The following ITPR2 variants were observed in gnomAD, a reference collection of about 807,000 sequenced individuals.
The protein encoded by ITPR2 is inositol 1,4,5-trisphosphate-gated calcium channel ITPR2.
In ITPR2, 207 loss-of-function variants were observed where a neutral mutation model predicts 317.1. The ratio of observed to expected loss-of-function variants is 0.65; its 90% CI spans 0.58 to 0.73. The LOEUF (loss-of-function observed/expected upper bound fraction) is 0.73, where lower values mean the gene tolerates loss of function less well. ITPR2 is among the 30% of genes least tolerant of loss of function. ITPR2 has a pLI of 0.00. For synonymous variants in ITPR2, 1,156 were observed against 1,149.1 expected, an observed-to-expected ratio of 1.01 and a Z score of -0.12; for missense variants, 2,613 against 3,284.0, an observed-to-expected ratio of 0.80 and a Z score of 4.99.
chr12:26,687,321 C>A (rs1948146282), intron 10 of ITPR2, among the ~76,000 whole-genome samples: 1 of 152,042 alleles, frequency 6.6e-6, no homozygotes. Context: ...GAACTGGTTG[C>A]ACGAGAAACC....
At chr12:26,611,179 C>T (rs945896818) in intron 26 of ITPR2, among the ~76,000 whole-genome samples, 1 of 152,156 alleles carries the variant, frequency 6.6e-6, no homozygotes, top group Non-Finnish European at 1.5e-5. Context: ...GAAGAAGCCA[C>T]GGGTCCTATG....
intron 55 of ITPR2, among the ~76,000 whole-genome samples, chr12:26,358,648 G>T (rs74796134): frequency 6.6e-6 from 1 of 151,984 alleles, no homozygotes; most frequent in South Asian, 2.1e-4. Context: ...ACAAATAATT[G>T]ATGATGTTGG....
intron 8 of ITPR2, among the ~76,000 whole-genome samples, chr12:26,713,362 A>G (rs1019203203): frequency 3.9e-5 from 6 of 152,254 alleles, no homozygotes; most frequent in African/African-American, 1.4e-4. Context: ...ACAATAGAGA[A>G]AAGTCCCTCA....
intron 15 of ITPR2, among the ~76,000 whole-genome samples, chr12:26,660,535 T>C (rs1312287069): frequency 2.6e-5 from 4 of 152,242 alleles, no homozygotes; most frequent in African/African-American, 9.6e-5. Flanking sequence ...AAAGTGGTTT[T>C]GCCTTAGGTA....
chr12:26,500,666 T>A (rs1358787060), intron 37 of ITPR2, among the ~76,000 whole-genome samples: 1 of 152,228 alleles, frequency 6.6e-6, no homozygotes, highest in Non-Finnish European at 1.5e-5. Context: ...AGAGAAGTCC[T>A]GCTGATGGTT....
chr12:26,388,711 A>G (rs1447394113), intron 54 of ITPR2, among the ~76,000 whole-genome samples: 1 of 152,162 alleles, frequency 6.6e-6, no homozygotes, highest in East Asian at 1.9e-4. Context: ...GATATAAAGC[A>G]CAATAAGTAA....
chr12:26,466,653 T>A (rs1467553532), intron 45 of ITPR2, among the ~76,000 whole-genome samples: 1 of 152,236 alleles, frequency 6.6e-6, no homozygotes, highest in Non-Finnish European at 1.5e-5. Flanking sequence ...AGTTCATAAG[T>A]CTCTGAAAGT....
intron 1 of ITPR2, among the ~76,000 whole-genome samples, chr12:26,828,956 C>A (rs1951053321): frequency 6.6e-6 from 1 of 152,192 alleles, no homozygotes; most frequent in Admixed American, 6.5e-5. Flanking sequence ...GACCTATGGT[C>A]AGGAAAATAA....
intron 11 of ITPR2, among the ~76,000 whole-genome samples, chr12:26,685,289 A>G (rs1371963911): frequency 2.6e-5 from 4 of 152,170 alleles, no homozygotes; most frequent in Admixed American, 1.3e-4. Context: ...TAGACAAAAA[A>G]GCTTAACTAA....
At chr12:26,773,502 C>T (rs998329480) in intron 2 of ITPR2, among the ~76,000 whole-genome samples, 2 of 152,174 alleles carry the variant, frequency 1.3e-5, no homozygotes, top group African/African-American at 4.8e-5. Context: ...ATACCACATG[C>T]ACCACGATTG....
Position 26,657,904 on chromosome 12 carries a change from T to C in ITPR2, c.2007-12A>G, listed in dbSNP as rs1424974231. The C allele has an allele frequency of 5.0e-6, 8 of 1,610,504 alleles. No homozygotes were observed. In the South Asian group the frequency reaches 7.7e-5, roughly 16 times the overall value. Reference sequence around the variant, plus strand: ...GCATTGAGACCACCCTTCAAATAAATAGCACATACAAAAATCTACTAAAAA... The same window carrying C: ...GCATTGAGACCACCCTTCAAATAAACAGCACATACAAAAATCTACTAAAAA... On this transcript the variant is annotated splice_polypyrimidine_tract_variant and intron_variant, in intron 17 of 56. Coordinates refer to ENST00000381340, the MANE Select transcript of ITPR2 (RefSeq NM_002223.4).
At chr12:26,425,225 T>A (rs1329584731) in intron 49 of ITPR2, among the ~76,000 whole-genome samples, 1 of 152,174 alleles carries the variant, frequency 6.6e-6, no homozygotes, top group Admixed American at 6.5e-5. Flanking sequence ...ATTACAGGCA[T>A]GACATAGCAT....
chr12:26,678,428 G>GAGAA (rs1555175922), intron 13 of ITPR2, among the ~76,000 whole-genome samples: 2 of 148,494 alleles, frequency 1.3e-5, no homozygotes, highest in South Asian at 2.1e-4. Context: ...GAGAGAGAGA[G>GAGAA]AAAAAAAAAA....
intron 37 of ITPR2, among the ~76,000 whole-genome samples, chr12:26,537,267 C>T (rs1190808187): frequency 6.6e-6 from 1 of 152,088 alleles, no homozygotes; most frequent in Admixed American, 6.5e-5. Context: ...GGGCAGTGGG[C>T]CTAGTAACCA....
intron 9 of ITPR2, among the ~76,000 whole-genome samples, chr12:26,696,722 C>T (rs747798515): frequency 2.6e-5 from 4 of 152,126 alleles, no homozygotes; most frequent in Non-Finnish European, 4.4e-5. Context: ...CAAACTTCAA[C>T]GTCTCTTTAA....
chr12:26,743,553 T>C (rs2137087554), intron 2 of ITPR2, among the ~76,000 whole-genome samples: 1 of 152,282 alleles, frequency 6.6e-6, no homozygotes, highest in African/African-American at 2.4e-5. Context: ...GAACATATAA[T>C]ATGTTCAGTG....
chr12:26,711,597 T>C (rs1450583934), intron 8 of ITPR2, among the ~76,000 whole-genome samples: 1 of 152,176 alleles, frequency 6.6e-6, no homozygotes, highest in Non-Finnish European at 1.5e-5. Context: ...GCAGCTTGCA[T>C]TAAGAGCCCA....
At chr12:26,360,261 CTTCCTCCTTCA>C (rs771158987) in intron 55 of ITPR2, among the ~76,000 whole-genome samples, 6 of 152,214 alleles carry the variant, frequency 3.9e-5, no homozygotes, top group Admixed American at 1.3e-4. Context: ...TCCTCTCTCG[CTTCCTCCTTCA>C]TTATTTCTCT....
chr12:26,571,110 G>GT (rs1945148682), intron 34 of ITPR2, among the ~76,000 whole-genome samples: 1 of 152,170 alleles, frequency 6.6e-6, no homozygotes, highest in Admixed American at 6.5e-5. Context: ...AGAAGACAGC[G>GT]TAACAATGGA....
Sources: allele counts gnomAD v4.1 joint callset (sites outside exome capture counted in the v4.1 genomes callset), GRCh38; gene constraint gnomAD v4.1.1; transcripts MANE v1.5; gene names NCBI Gene and HGNC (gene_info 2026-07-23, HGNC 2026-07-21).